Variants in SLC71A2 observed in about 807,000 individuals in gnomAD.
The protein encoded by SLC71A2 is hippocampus abundant transcript-like 1.
the SLC71A2 span, among the ~76,000 whole-genome samples, chr9:94,425,541 C>G: frequency 2.0e-5 from 3 of 151,980 alleles, no homozygotes; most frequent in Admixed American, 2.0e-4. Flanking sequence ...TGAGTCAGTT[C>G]CTGAGTTGGG....
chr9:94,387,696 T>C, the SLC71A2 span, among the ~76,000 whole-genome samples: 9 of 152,336 alleles, frequency 5.9e-5, no homozygotes, highest in East Asian at 1.5e-3. Flanking sequence ...GTTGCCTATA[T>C]AGGCAATTTT....
chr9:94,452,743 ATATC>A, the SLC71A2 span, among the ~76,000 whole-genome samples: 377 of 101,192 alleles, frequency 3.7e-3, 4 homozygotes, highest in Middle Eastern at 0.011. Context: ...TTATATATAA[ATATC>A]TATTATATAT....
chr9:94,430,223 ATT>A, the SLC71A2 span, among the ~76,000 whole-genome samples: 45 of 102,436 alleles, frequency 4.4e-4, no homozygotes, highest in African/African-American at 4.8e-4. Flanking sequence ...CTTTTAAATA[ATT>A]TTTTTTTTTT....
At chr9:94,409,259 C>G in the SLC71A2 span, among the ~76,000 whole-genome samples, 1 of 145,118 alleles carries the variant, frequency 6.9e-6, no homozygotes, top group Non-Finnish European at 1.5e-5. Context: ...CCCACTGCAG[C>G]CTCCCAAATA....
At chr9:94,457,115 C>G in the SLC71A2 span, among the ~76,000 whole-genome samples, 11 of 152,270 alleles carry the variant, frequency 7.2e-5, no homozygotes, top group African/African-American at 2.6e-4. Flanking sequence ...GAGACGCACA[C>G]TACCATGCCC....
chr9:94,401,451 C>G, the SLC71A2 span, among the ~76,000 whole-genome samples: 1 of 152,070 alleles, frequency 6.6e-6, no homozygotes, highest in Non-Finnish European at 1.5e-5. Context: ...GGATTACAGG[C>G]GTGAGCCACT....
the SLC71A2 span, among the ~76,000 whole-genome samples, chr9:94,448,302 T>C: frequency 2.6e-5 from 4 of 152,096 alleles, no homozygotes. Flanking sequence ...TTTAAAAAAA[T>C]TTATACCCTA....
the SLC71A2 span, among the ~76,000 whole-genome samples, chr9:94,451,853 G>C: frequency 1.3e-5 from 2 of 152,196 alleles, no homozygotes; most frequent in Non-Finnish European, 2.9e-5. Flanking sequence ...AGCCCAGCCT[G>C]GTGACTGGCA....
At chr9:94,444,936 C>T in the SLC71A2 span, 1 of 1,605,818 alleles carries the variant, frequency 6.2e-7, no homozygotes, top group African/African-American at 1.3e-5. Context: ...ACCTATGGGA[C>T]CCTGGGTGAG....
chr9:94,435,953 T>C, the SLC71A2 span, among the ~76,000 whole-genome samples: 1 of 140,238 alleles, frequency 7.1e-6, no homozygotes, highest in Non-Finnish European at 1.5e-5. Context: ...ACCTGGCCCC[T>C]TTTTCATTCT....
chr9:94,401,994 G>A, the SLC71A2 span, among the ~76,000 whole-genome samples: 9,458 of 152,128 alleles, frequency 0.062, 436 homozygotes, highest in African/African-American at 0.13. Context: ...CATGACATTT[G>A]TAAACTGTCA....
chr9:94,382,912 C>T, the SLC71A2 span, among the ~76,000 whole-genome samples: 2 of 152,102 alleles, frequency 1.3e-5, no homozygotes, highest in African/African-American at 2.4e-5. Context: ...CCAGGATGGT[C>T]TCAATCTCCT....
the SLC71A2 span, among the ~76,000 whole-genome samples, chr9:94,443,781 T>A: frequency 6.6e-6 from 1 of 152,128 alleles, no homozygotes; most frequent in Admixed American, 6.5e-5. Context: ...CCCATAACTG[T>A]TTGCTTGTCG....
the SLC71A2 span, chr9:94,453,932 TC>T: frequency 1.4e-6 from 2 of 1,463,900 alleles, no homozygotes; most frequent in Non-Finnish European, 1.9e-6. Flanking sequence ...ATGTGGTTTT[TC>T]AGAGTTGTCT....
At chr9:94,422,663 T>C in the SLC71A2 span, among the ~76,000 whole-genome samples, 1 of 152,246 alleles carries the variant, frequency 6.6e-6, no homozygotes, top group East Asian at 1.9e-4. Flanking sequence ...GGTAGGTACA[T>C]TATGGTCTTA....
At chr9:94,451,658 A>G in the SLC71A2 span, 6 of 483,450 alleles carry the variant, frequency 1.2e-5, no homozygotes, top group South Asian at 4.6e-5. Flanking sequence ...ACCCCCTGCT[A>G]TGGTAAGGTC....
At chr9:94,414,536 C>T in the SLC71A2 span, among the ~76,000 whole-genome samples, 1 of 152,152 alleles carries the variant, frequency 6.6e-6, no homozygotes, top group Non-Finnish European at 1.5e-5. Context: ...AGTTAAGTTG[C>T]TAAGGAACAC....
chr9:94,432,293 G>A, the SLC71A2 span, among the ~76,000 whole-genome samples: 1 of 151,838 alleles, frequency 6.6e-6, no homozygotes. Flanking sequence ...CTGAGGTTGG[G>A]AGTTTGAGAC....
At chr9:94,456,047 A>G in the SLC71A2 span, among the ~76,000 whole-genome samples, 1 of 152,160 alleles carries the variant, frequency 6.6e-6, no homozygotes, top group Non-Finnish European at 1.5e-5. Flanking sequence ...TCCCCATCCT[A>G]GGCCATTCGT....
Sources: gnomAD v4.1 joint callset for allele counts (sites outside exome capture counted in the v4.1 genomes callset) on GRCh38, gnomAD v4.1.1 for gene constraint, MANE v1.5 for transcripts, NCBI Gene and HGNC (gene_info 2026-07-23, HGNC 2026-07-21) for gene names.